Variants in UMODL1 observed in about 807,000 individuals in gnomAD.
UMODL1 encodes uromodulin-like 1.
A neutral mutation model predicts 136.3 loss-of-function variants in UMODL1; 128 were observed. The ratio of observed to expected loss-of-function variants is 0.94; its 90% CI spans 0.81 to 1.09. The LOEUF (loss-of-function observed/expected upper bound fraction) is 1.09. Among genes scored for constraint, UMODL1 ranks in the 50% least tolerant of loss-of-function variants. UMODL1 has a pLI of 0.00. For missense variants in UMODL1, 1,766 were observed against 1,725.6 expected (o/e 1.02, Z -0.41); for synonymous variants, 721 against 720.0 (o/e 1.00, Z -0.02).
At chr21:42,114,393 C>T (rs1320690499) in intron 13 of UMODL1, among the ~76,000 whole-genome samples, 5 of 152,254 alleles carry the variant, frequency 3.3e-5, no homozygotes, top group South Asian at 2.1e-4. Context: ...TCATTAGCAT[C>T]GCTACCTGGG....
In UMODL1 at chr21:42,109,640, C is replaced by G; in HGVS notation, c.1598C>G (p.Thr533Ser). 1.2e-6 allele frequency: 2 copies of G among 1,609,838 alleles called. No individual in the cohort carries two copies. The highest frequency in any genetic ancestry group is 1.7e-6 in the Non-Finnish European group (2 of 1,179,996). Residue 533 changes from threonine (T) to serine (S), a missense_variant, in exon 10 of 23, where the codon ACC (threonine) becomes AGC (serine). Coordinates refer to ENST00000408910, the MANE Select transcript of UMODL1 (RefSeq NM_001004416.3). ...AWCINLEGSY[T>S]CQCRTTRDAT... ...TGCATCAACCTGGAGGGCTCCTACACCTGCCAGTGCCGTACCACCAGGGAC... is the reference window on the plus strand; with the variant it reads ...TGCATCAACCTGGAGGGCTCCTACAGCTGCCAGTGCCGTACCACCAGGGAC...
At position 42,142,579 on chromosome 21, in the gene UMODL1, T is replaced by A. The variant is rs1392003598; in HGVS notation, c.*505T>A. 1 of 152,368 alleles carries A rather than the reference T, an allele frequency of 6.6e-6. No individual in the cohort carries two copies. Among genetic ancestry groups the A allele is most frequent in the East Asian group, 1.9e-4 (1 of 5,192 alleles). 9.4% of individuals were successfully genotyped at this position (152,368 alleles called of 1,614,324 possible). On this transcript the variant is annotated 3_prime_UTR_variant, in exon 23 of 23. Coordinates refer to ENST00000408910, the MANE Select transcript of UMODL1 (RefSeq NM_001004416.3). ...TGCTCTTTCGAAAATAGGTCAGTCT[T>A]AGAAATACACTGCTAATGTTATTTT...
intron 14 of UMODL1, 135 bp downstream of exon 14, chr21:42,116,120 A>T: frequency 2.3e-6 from 1 of 443,760 alleles, no homozygotes; most frequent in Non-Finnish European, 4.0e-6. Context: ...AGATTGCCTG[A>T]GCTCAGGAGT....
rs373577420 is a variant in UMODL1, at chr21:42,123,079, G to A, written c.3076G>A (p.Val1026Met). 8.0e-5 allele frequency: 129 copies of A among 1,613,974 alleles called. 2 individuals are homozygous for A. The South Asian group carries it at 1.1e-3, about 14-fold the overall frequency. ...SLYLSHPSCN[V>M]SHSNGTHVLL... Reference sequence around the variant, plus strand: ...GTACCTCAGCCACCCCTCCTGCAACGTGAGCCACAGCAATGGCACACACGT... The same window carrying A: ...GTACCTCAGCCACCCCTCCTGCAACATGAGCCACAGCAATGGCACACACGT... The change falls in exon 17 of 23, where the codon GTG (valine) becomes ATG (methionine). Residue 1026 changes from valine (V) to methionine (M), a missense_variant. By Grantham distance (21) the Val-to-Met change is conservative (BLOSUM62 1). Transcript: ENST00000408910. This position sits in a 1 kb window ranked among gnomAD's most constrained non-coding sequence, Gnocchi z 4.4.
intron 7 of UMODL1, chr21:42,101,678 A>C (rs1296157888): frequency 2.2e-6 from 1 of 454,070 alleles, no homozygotes; most frequent in Non-Finnish European, 4.4e-6. Flanking sequence ...CTCCCTTGTA[A>C]GTAAGCAACC....
chr21:42,137,366 G>T, intron 21 of UMODL1, 73 bp from the exon 22 acceptor site: 2 of 1,566,800 alleles, frequency 1.3e-6, no homozygotes, highest in South Asian at 1.1e-5. Context: ...CCCCGGATCC[G>T]GGTGGAGGGC....
At chr21:42,112,126 C>A (rs1434959067) in intron 12 of UMODL1, among the ~76,000 whole-genome samples, 3 of 151,792 alleles carry the variant, frequency 2.0e-5, no homozygotes, top group Admixed American at 2.0e-4. Context: ...AACTCTGCAC[C>A]CTCCCAGTAA....
At chr21:42,128,541 G>A in intron 20 of UMODL1, among the ~76,000 whole-genome samples, 1 of 151,904 alleles carries the variant, frequency 6.6e-6, no homozygotes, top group Non-Finnish European at 1.5e-5. Flanking sequence ...GCGTCTGCAG[G>A]ACGTGGATAG....
intron 21 of UMODL1, among the ~76,000 whole-genome samples, chr21:42,134,988 A>G (rs1376546973): frequency 6.6e-6 from 1 of 152,196 alleles, no homozygotes; most frequent in African/African-American, 2.4e-5. Flanking sequence ...ACATAGGTGT[A>G]CATGTGCCAC....
chr21:42,081,472 G>A (rs975238428), intron 2 of UMODL1, among the ~76,000 whole-genome samples: 4 of 152,220 alleles, frequency 2.6e-5, no homozygotes, highest in East Asian at 1.9e-4. Flanking sequence ...CTTGTTCAGC[G>A]TTCTCAGGGC....
At position 42,142,209 on chromosome 21, in the gene UMODL1, C is replaced by A. The variant is rs1601297682; in HGVS notation, c.*135C>A. On this transcript the variant is annotated 3_prime_UTR_variant, in exon 23 of 23. Transcript: ENST00000408910. ...ATCCCTCGGTTCTTAACTCTTCAAG[C>A]CTTAACGGAGGTCTGCTCTGACGGG... is the stretch of plus-strand genomic sequence containing the variant. 6.6e-6 allele frequency: 1 copy of A among 152,264 alleles called. No homozygotes were observed. Among genetic ancestry groups the A allele is most frequent in the African/African-American group, 2.4e-5 (1 of 41,454 alleles). The allele number at this position is 152,264 out of a possible 1,614,324, so 9.4% of individuals were successfully genotyped here. A position where few individuals can be genotyped will look rare whatever the true frequency, so the allele number is the denominator to read the frequency against.
upstream of UMODL1, among the ~76,000 whole-genome samples, chr21:42,070,410 C>T (rs1601166605): frequency 6.6e-6 from 1 of 152,360 alleles, no homozygotes; most frequent in East Asian, 1.9e-4. Flanking sequence ...ATCTACTTCA[C>T]ATATACCATG....
At chr21:42,095,089 G>GGTTTTTTTTTTTTTTTTTTTTTTTTTT (rs1555922532) in intron 6 of UMODL1, among the ~76,000 whole-genome samples, 2 of 61,186 alleles carry the variant, frequency 3.3e-5, no homozygotes, top group African/African-American at 1.3e-4. Flanking sequence ...TTCTTCTGCT[G>GGTTTTTTTTTTTTTTTTTTTTTTTTTT]TTTTTTTTTT....
At position 42,127,173 on chromosome 21, in the gene UMODL1, T is replaced by C. The variant is rs754157531; in HGVS notation, c.3461T>C (p.Leu1154Pro). 1 of 1,614,236 alleles carries C rather than the reference T, an allele frequency of 6.2e-7. No homozygotes were observed. Among genetic ancestry groups the C allele is most frequent in the South Asian group, 1.1e-5 (1 of 91,086 alleles). The change falls in exon 19 of 23, where the codon CTG (leucine) becomes CCG (proline). Residue 1154 changes from leucine to proline, a missense_variant. Transcript: ENST00000408910. Reference protein sequence around the residue: ...YRQKSNLKVVLTECWATPSSN... With the variant: ...YRQKSNLKVVPTECWATPSSN... ...CAGAAAAGCAACCTCAAGGTGGTCC[T>C]GACGGAGTGCTGGGCAACCCCGTCT...
intron 21 of UMODL1, among the ~76,000 whole-genome samples, chr21:42,132,892 T>C (rs1367442396): frequency 1.3e-5 from 2 of 152,240 alleles, no homozygotes; most frequent in Non-Finnish European, 2.9e-5. Context: ...TAATTCCTAC[T>C]TCATAAAGAG....
chr21:42,076,487 C>T (rs1449335353), intron 2 of UMODL1, among the ~76,000 whole-genome samples: 2 of 152,144 alleles, frequency 1.3e-5, no homozygotes, highest in Admixed American at 6.5e-5. Flanking sequence ...TCCTGGGTGA[C>T]GCTGACGCTG....
chr21:42,142,415 G>A lies in UMODL1; in HGVS notation c.*341G>A, dbSNP rs2236703. 27,448 of 152,206 alleles carry A rather than the reference G, an allele frequency of 0.18. 2,612 individuals are homozygous for A. Among genetic ancestry groups the A allele is most frequent in the South Asian group, 0.3 (1,453 of 4,820 alleles). 9.4% of individuals were successfully genotyped at this position (152,206 alleles called of 1,614,324 possible). ...CTACACCACCACCCGCGCGGCCCCC[G>A]CAGCCTAGACCTCCCAGGCCTGTGA... On this transcript the variant is annotated 3_prime_UTR_variant, in exon 23 of 23. Transcript: ENST00000408910.
Position 42,088,394 on chromosome 21 carries a change from C to T in UMODL1, c.704C>T (p.Pro235Leu). ...GTGTCGCGGCTGCTACTGGGCCTGC[C>T]ACGGCCACTGCCTGTGGCTGACGTC... The part of the protein sequence containing the change: ...TTVSRLLLGL[P>L]RPLPVADVST... Residue 235 changes from proline (P) to leucine (L), a missense_variant, in exon 5 of 23, where the codon CCA becomes CTA. By Grantham distance (98) the Pro-to-Leu change is moderately conservative (BLOSUM62 -3). Transcript: ENST00000408910. 2 of 1,614,038 alleles carry T rather than the reference C, an allele frequency of 1.2e-6. No homozygotes were observed. The highest frequency in any genetic ancestry group is 1.7e-6 in the Non-Finnish European group (2 of 1,180,008).
At chr21:42,069,968 C>T (rs1310067244), upstream of UMODL1, among the ~76,000 whole-genome samples, 1 of 152,122 alleles carries the variant, frequency 6.6e-6, no homozygotes, top group Non-Finnish European at 1.5e-5. Flanking sequence ...TCTATAAAAG[C>T]TGCTGTGTTC....
Sources: allele counts gnomAD v4.1 joint callset (sites outside exome capture counted in the v4.1 genomes callset), GRCh38; gene constraint gnomAD v4.1.1; non-coding constraint Gnocchi (gnomAD v3.1); transcripts MANE v1.5; gene names NCBI Gene and HGNC (gene_info 2026-07-23, HGNC 2026-07-21).